The following SCAPER variants were observed in gnomAD, a reference collection of about 807,000 sequenced individuals.
The protein encoded by SCAPER is S phase cyclin A-associated protein in the endoplasmic reticulum.
In SCAPER, 98 loss-of-function variants were observed where a neutral mutation model predicts 182.2. The ratio of observed to expected loss-of-function variants is 0.54; its 90% CI spans 0.46 to 0.64. The LOEUF (loss-of-function observed/expected upper bound fraction) is 0.64, where lower values mean the gene tolerates loss of function less well. Ranked by LOEUF, SCAPER falls within the 30% of genes least tolerant of loss-of-function variation. The pLI, the probability that SCAPER is intolerant of heterozygous loss-of-function variation, is 0.00. For missense variants in SCAPER, 1,432 were observed against 1,690.0 expected, an observed-to-expected ratio of 0.85 and a Z score of 2.68; for synonymous variants, 605 against 564.6, an observed-to-expected ratio of 1.07 and a Z score of -1.01.
Position 76,799,417 on chromosome 15 carries a change from G to A in SCAPER, c.611+831C>T, listed in dbSNP as rs1376994453. ...AGCTGGGATTACAGGCACATGCCAC[G>A]ACACATGGCTAATTTTTGTATTTTT... On this transcript the variant is annotated intron_variant, in intron 7 of 31. Coordinates refer to ENST00000563290, the MANE Select transcript of SCAPER (RefSeq NM_020843.4). Among the ~76,000 whole-genome samples, 5 of 126,122 alleles carry A rather than the reference G, an allele frequency of 4.0e-5. No individual in the cohort carries two copies. The East Asian group carries it at 8.0e-4, about 20-fold the overall frequency. The allele number at this position is 126,122 out of a possible 152,430, so 82.7% of individuals were successfully genotyped here. A position where few individuals can be genotyped will look rare whatever the true frequency, so the allele number is the denominator to read the frequency against.
At chr15:76,791,116 T>C (rs903987318) in intron 8 of SCAPER, among the ~76,000 whole-genome samples, 2 of 152,242 alleles carry the variant, frequency 1.3e-5, no homozygotes, top group Non-Finnish European at 2.9e-5. Context: ...TCTTTGTAAA[T>C]TGATTTCTAA....
Position 76,766,952 on chromosome 15 carries a change from A to C in SCAPER, c.1385T>G (p.Ile462Ser). The change falls in exon 11 of 32, where the codon ATT becomes AGT. Residue 462 changes from isoleucine (I) to serine (S), a missense_variant. This residue lies in a region of SCAPER where 128 missense variants were observed against 149.9 expected (regional missense o/e 0.85). Coordinates refer to ENST00000563290, the MANE Select transcript of SCAPER (RefSeq NM_020843.4). ...REIEAEENND[I>S]NIETDNDSDF... ...ACTGTCGTTGTCAGTTTCAATGTTA[A>C]TATCATTGTTTTCTTCAGCTTCAAT... 6.2e-7 allele frequency: 1 copy of C among 1,608,564 alleles called. No homozygotes were observed. The highest frequency in any genetic ancestry group is 8.5e-7 in the Non-Finnish European group (1 of 1,178,196).
At chr15:76,736,920 A>G (rs1387549101) in intron 15 of SCAPER, 1 of 154,462 alleles carries the variant, frequency 6.5e-6, no homozygotes, top group Non-Finnish European at 1.4e-5. Flanking sequence ...AGACTGCAGC[A>G]ATTCAGTCAC....
chr15:76,472,792 ACTT>A (rs1403108714), intron 24 of SCAPER, among the ~76,000 whole-genome samples: 13 of 152,014 alleles, frequency 8.6e-5, no homozygotes, highest in African/African-American at 2.4e-4. Flanking sequence ...ATTTTGAGAG[ACTT>A]CTTGACTCCC....
intron 4 of SCAPER, among the ~76,000 whole-genome samples, chr15:76,852,088 CA>C (rs958458453): frequency 2.6e-5 from 4 of 151,186 alleles, no homozygotes; most frequent in African/African-American, 9.7e-5. Context: ...CAAAAAAAGA[CA>C]AAAAAAAGGG....
intron 23 of SCAPER, among the ~76,000 whole-genome samples, chr15:76,524,286 G>A (rs2043023906): frequency 6.6e-6 from 1 of 152,134 alleles, no homozygotes; most frequent in Non-Finnish European, 1.5e-5. Flanking sequence ...GAGAGCCATG[G>A]TAGAAGGCCT....
intron 6 of SCAPER, among the ~76,000 whole-genome samples, chr15:76,800,768 A>G (rs1249399400): frequency 1.3e-5 from 2 of 152,260 alleles, no homozygotes; most frequent in African/African-American, 2.4e-5. Context: ...TGAAACATGT[A>G]TCAAGAGAAA....
intron 23 of SCAPER, among the ~76,000 whole-genome samples, chr15:76,511,829 T>TTATA (rs144159437): frequency 1.5e-4 from 21 of 136,836 alleles, no homozygotes; most frequent in African/African-American, 4.7e-4. Context: ...GATACACTTA[T>TTATA]TATATATATA....
intron 21 of SCAPER, among the ~76,000 whole-genome samples, chr15:76,640,013 C>G (rs962400616): frequency 6.6e-6 from 1 of 152,086 alleles, no homozygotes; most frequent in Non-Finnish European, 1.5e-5. Flanking sequence ...CCCTTCTATC[C>G]ATGTTATTAA....
At chr15:76,613,125 A>G (rs761208357) in intron 22 of SCAPER, among the ~76,000 whole-genome samples, 1 of 152,208 alleles carries the variant, frequency 6.6e-6, no homozygotes, top group African/African-American at 2.4e-5. Flanking sequence ...CCACACACTT[A>G]CAACTATCTG....
chr15:76,353,973 A>G lies in SCAPER; in HGVS notation c.4023T>C (p.Cys1341=). The G allele has an allele frequency of 1.3e-6, 2 of 1,587,232 alleles. No individual in the cohort carries two copies. Residue 1341 remains cysteine, a synonymous_variant, in exon 30 of 32, where the codon TGT becomes TGC. Coordinates refer to ENST00000563290, the MANE Select transcript of SCAPER (RefSeq NM_020843.4). ...NKIILEQEMS[C]VLLATFIQDL... The stretch of plus-strand genomic sequence containing the variant: ...CCTGAATGAAAGTGGCCAGTAAAAC[A>G]CAGCTCATCTCTTGCTCCAGAATGA...
At chr15:76,446,131 T>C (rs138913001) in intron 25 of SCAPER, among the ~76,000 whole-genome samples, 73 of 152,304 alleles carry the variant, frequency 4.8e-4, no homozygotes, top group African/African-American at 1.6e-3. Context: ...ATCATAAATA[T>C]TGTTATTCCT....
rs1160374022 is a variant in SCAPER, at chr15:76,381,181, T to A, written c.3705+197A>T. On this transcript the variant is annotated intron_variant, in intron 28 of 31. Coordinates refer to ENST00000563290, the MANE Select transcript of SCAPER (RefSeq NM_020843.4). ...TTTGCATGGTAGCTATGAGAATAAA[T>A]GAGAATGCTAGATGTTATAGAGCAT... 8.1e-5 allele frequency: 25 copies of A among 306,894 alleles called. No homozygotes were observed. The Admixed American group carries it at 1.1e-3, about 14-fold the overall frequency. 19.0% of individuals were successfully genotyped at this position (306,894 alleles called of 1,614,324 possible).
intron 23 of SCAPER, among the ~76,000 whole-genome samples, chr15:76,505,203 G>A (rs976967192): frequency 6.6e-6 from 1 of 152,068 alleles, no homozygotes; most frequent in African/African-American, 2.4e-5. Context: ...CTTAAAATTG[G>A]TAGATGGCAA....
At chr15:76,861,100 C>T (rs968122634) in intron 3 of SCAPER, among the ~76,000 whole-genome samples, 4 of 152,082 alleles carry the variant, frequency 2.6e-5, no homozygotes, top group Non-Finnish European at 5.9e-5. Flanking sequence ...AGAAGGCTAA[C>T]AAATGCAGAA....
At chr15:76,589,431 C>T (rs1355297332) in intron 22 of SCAPER, among the ~76,000 whole-genome samples, 1 of 152,118 alleles carries the variant, frequency 6.6e-6, no homozygotes, top group Non-Finnish European at 1.5e-5. Flanking sequence ...TTATGGCTGC[C>T]TCTGCTGTGT....
At chr15:76,696,728 A>C (rs62028175) in intron 20 of SCAPER, among the ~76,000 whole-genome samples, 11,775 of 152,290 alleles carry the variant, frequency 0.077, 514 homozygotes, top group Middle Eastern at 0.11. Flanking sequence ...ATAATACTTC[A>C]TTGATTTATT....
intron 1 of SCAPER, among the ~76,000 whole-genome samples, chr15:76,899,697 C>T (rs1343546427): frequency 2.0e-5 from 3 of 151,712 alleles, no homozygotes; most frequent in African/African-American, 7.3e-5. Context: ...GCCCGGCCGC[C>T]ACCCCGTCTA....
chr15:76,763,547 C>CT (rs771737334), intron 14 of SCAPER, among the ~76,000 whole-genome samples: 2 of 14,100 alleles, frequency 1.4e-4, no homozygotes, highest in African/African-American at 1.6e-4. Context: ...TGGGTTATTT[C>CT]TTTAAAAAAA....
Sources: gnomAD v4.1 joint callset for allele counts (sites outside exome capture counted in the v4.1 genomes callset) on GRCh38, gnomAD v4.1.1 for gene constraint, gnomAD v4.1.1 regional missense constraint, MANE v1.5 for transcripts, NCBI Gene and HGNC (gene_info 2026-07-23, HGNC 2026-07-21) for gene names.